The following DNAH14 variants were observed in gnomAD, a reference collection of about 807,000 sequenced individuals.
DNAH14 encodes dynein axonemal heavy chain 14.
DNAH14 carries 478 observed loss-of-function variants against 520.9 expected under a neutral mutation model. The observed-to-expected ratio is 0.92, with a 90% CI of 0.85 to 0.99. DNAH14 has a LOEUF of 0.99. Ranked by LOEUF, DNAH14 falls within the 50% of genes least tolerant of loss-of-function variation. The pLI is 0.00. For missense variants in DNAH14, 4,831 were observed against 5,234.5 expected, an observed-to-expected ratio of 0.92 and a Z score of 2.38; for synonymous variants, 1,581 against 1,757.2, an observed-to-expected ratio of 0.90 and a Z score of 2.51.
At chr1:225,298,102 C>G (rs1451376870) in intron 55 of DNAH14, among the ~76,000 whole-genome samples, 1 of 152,012 alleles carries the variant, frequency 6.6e-6, no homozygotes, top group Non-Finnish European at 1.5e-5. Flanking sequence ...GCTCAGCTGA[C>G]CTGAAGGGGG....
intron 17 of DNAH14, among the ~76,000 whole-genome samples, chr1:225,058,216 C>G: frequency 6.6e-6 from 1 of 152,162 alleles, no homozygotes; most frequent in East Asian, 1.9e-4. Context: ...GAGCCTGTTA[C>G]TGGTCTATTC....
chr1:225,112,452 T>A (rs976367882), intron 23 of DNAH14, among the ~76,000 whole-genome samples: 4 of 152,178 alleles, frequency 2.6e-5, no homozygotes, highest in African/African-American at 9.6e-5. Flanking sequence ...GAAGTCTTCT[T>A]TGGGTTAAAT....
chr1:224,983,290 A>G (rs2062400321), intron 8 of DNAH14, among the ~76,000 whole-genome samples: 2 of 152,074 alleles, frequency 1.3e-5, no homozygotes, highest in Admixed American at 6.6e-5. Context: ...TTTGGTGACC[A>G]TTTGCGTGAA....
At chr1:225,111,566 CT>C (rs1295605094) in intron 23 of DNAH14, among the ~76,000 whole-genome samples, 4 of 150,424 alleles carry the variant, frequency 2.7e-5, no homozygotes, top group East Asian at 1.9e-4. Context: ...ATTGTTGAGT[CT>C]TTTTTTTTAA....
chr1:225,124,721 A>T (rs542476904), intron 27 of DNAH14, among the ~76,000 whole-genome samples: 1 of 152,070 alleles, frequency 6.6e-6, no homozygotes, highest in Non-Finnish European at 1.5e-5. Context: ...AAGTCCCATT[A>T]ATGTGGCTAT....
chr1:224,983,252 G>T (rs982505231), intron 8 of DNAH14, among the ~76,000 whole-genome samples: 1 of 152,116 alleles, frequency 6.6e-6, no homozygotes, highest in Non-Finnish European at 1.5e-5. Context: ...TGTTTTGTCT[G>T]ATATAAGAAT....
At chr1:225,199,296 G>A (rs1438684334) in intron 38 of DNAH14, among the ~76,000 whole-genome samples, 2 of 150,760 alleles carry the variant, frequency 1.3e-5, no homozygotes, top group Non-Finnish European at 3.0e-5. Context: ...CCAGCTTTTT[G>A]TTTTATTTAT....
chr1:225,292,346 A>C (rs536420716), intron 55 of DNAH14, among the ~76,000 whole-genome samples: 1 of 152,192 alleles, frequency 6.6e-6, no homozygotes, highest in East Asian at 1.9e-4. Context: ...AGCACCATTT[A>C]TTGAAGACTG....
In DNAH14 at chr1:225,338,110, A is replaced by C; in HGVS notation, c.10361A>C (p.Asp3454Ala). The C allele has an allele frequency of 6.4e-7, 1 of 1,551,524 alleles. No homozygotes were observed. The highest frequency in any genetic ancestry group is 8.7e-7 in the Non-Finnish European group (1 of 1,146,880). ...APGLKAILKK[D>A]IYQKKGHYFI... The stretch of plus-strand genomic sequence containing the variant: ...GGCTTAAAGGCAATTCTGAAAAAGG[A>C]TATCTATCAGAAAAAAGGACACTAT... The change falls in exon 68 of 86, where the codon GAT (aspartate) becomes GCT (alanine). Residue 3454 changes from aspartate (D) to alanine (A), a missense_variant. Asp to Ala is a moderately radical substitution (Grantham distance 126). Coordinates refer to ENST00000682510, the MANE Select transcript of DNAH14 (RefSeq NM_001367479.1).
At chr1:225,067,887 C>T (rs1414410268) in intron 17 of DNAH14, among the ~76,000 whole-genome samples, 1 of 152,040 alleles carries the variant, frequency 6.6e-6, no homozygotes, top group Non-Finnish European at 1.5e-5. Flanking sequence ...AAAATTTTCT[C>T]CCATTCTCTG....
chr1:224,954,115 G>A (rs1201874829), intron 2 of DNAH14, among the ~76,000 whole-genome samples: 1 of 151,978 alleles, frequency 6.6e-6, no homozygotes, highest in Non-Finnish European at 1.5e-5. Flanking sequence ...AGAAAAAAAG[G>A]TGGGGAGGAC....
At chr1:224,941,795 G>A (rs1464635358) in intron 1 of DNAH14, among the ~76,000 whole-genome samples, 1 of 152,102 alleles carries the variant, frequency 6.6e-6, no homozygotes, top group African/African-American at 2.4e-5. Context: ...TTTTTGTCAG[G>A]TTTGTCAAAG....
At chr1:225,168,115 G>A in intron 36 of DNAH14, 87 bp downstream of exon 36, 1 of 762,060 alleles carries the variant, frequency 1.3e-6, no homozygotes, top group Non-Finnish European at 2.1e-6. Flanking sequence ...TAATAAAAGA[G>A]AGCTGTTACA....
At chr1:224,954,294 T>A (rs2060366580) in intron 2 of DNAH14, among the ~76,000 whole-genome samples, 1 of 152,152 alleles carries the variant, frequency 6.6e-6, no homozygotes, top group East Asian at 1.9e-4. Context: ...AAAGAAATAT[T>A]ACCTTCTTAA....
intron 1 of DNAH14, among the ~76,000 whole-genome samples, chr1:224,944,396 A>G (rs549177500): frequency 1.3e-5 from 2 of 152,120 alleles, no homozygotes; most frequent in Admixed American, 1.3e-4. Flanking sequence ...TCTGCACGTG[A>G]GATGGGTTTC....
At chr1:224,994,568 G>A (rs1432042587) in intron 8 of DNAH14, among the ~76,000 whole-genome samples, 3 of 152,000 alleles carry the variant, frequency 2.0e-5, no homozygotes, top group Non-Finnish European at 2.9e-5. Context: ...GTCCTTAAAA[G>A]TGCAGTAAAT....
At chr1:225,076,185 T>C (rs979541955) in intron 17 of DNAH14, among the ~76,000 whole-genome samples, 1 of 152,198 alleles carries the variant, frequency 6.6e-6, no homozygotes, top group African/African-American at 2.4e-5. Context: ...CCACTGAAGG[T>C]GGCATGGTAG....
chr1:225,155,968 AG>A (rs1647329825), intron 34 of DNAH14, among the ~76,000 whole-genome samples: 1 of 152,132 alleles, frequency 6.6e-6, no homozygotes, highest in African/African-American at 2.4e-5. Flanking sequence ...GCTTTTTAAA[AG>A]TTTCTTTGAC....
At chr1:225,361,550 C>T (rs1345391260) in intron 75 of DNAH14, among the ~76,000 whole-genome samples, 2 of 152,196 alleles carry the variant, frequency 1.3e-5, no homozygotes, top group Non-Finnish European at 2.9e-5. Context: ...TGGCCAATAT[C>T]CTGTGGTAAA....
Sources: gnomAD v4.1 joint callset for allele counts (sites outside exome capture counted in the v4.1 genomes callset) on GRCh38, gnomAD v4.1.1 for gene constraint, MANE v1.5 for transcripts, NCBI Gene and HGNC (gene_info 2026-07-23, HGNC 2026-07-21) for gene names.